Variants in BCAS3 observed in about 807,000 individuals in gnomAD.
The protein encoded by BCAS3 is BCAS4/BCAS3 fusion.
BCAS3 carries 53 observed loss-of-function variants against 116.1 expected under a neutral mutation model. The ratio of observed to expected loss-of-function variants is 0.46; its 90% CI spans 0.37 to 0.57. The LOEUF (loss-of-function observed/expected upper bound fraction) is 0.57. Ranked by LOEUF, BCAS3 falls within the 20% of genes least tolerant of loss-of-function variation. The probability of loss-of-function intolerance (pLI) is 0.00; values close to 1 mark genes in which losing one functional copy is unlikely to be tolerated. For missense variants in BCAS3, 917 were observed against 1,165.4 expected, an observed-to-expected ratio of 0.79 and a Z score of 3.10; for synonymous variants, 391 against 408.2, an observed-to-expected ratio of 0.96 and a Z score of 0.51.
At chr17:60,917,097 G>GA (rs201018701) in intron 12 of BCAS3, among the ~76,000 whole-genome samples, 2,006 of 152,026 alleles carry the variant, frequency 0.013, 45 homozygotes, top group African/African-American at 0.047. Context: ...CCAAAAAGTA[G>GA]AAAAAAATCT....
Position 60,872,211 on chromosome 17 carries a change from T to A in BCAS3, c.585-2451T>A, listed in dbSNP as rs1421127851. 2.6e-5 allele frequency among the ~76,000 whole-genome samples: 4 copies of A among 151,960 alleles called. No individual in the cohort carries two copies. In the South Asian group the frequency reaches 8.3e-4, roughly 31 times the overall value. On this transcript the variant is annotated intron_variant, in intron 8 of 23. Transcript: ENST00000407086. Reference sequence around the variant, plus strand: ...AGTTTCTAGTTTTAAATATTCTATGTTTATAAAATAAATTATGAGAAGGAA... The same window carrying A: ...AGTTTCTAGTTTTAAATATTCTATGATTATAAAATAAATTATGAGAAGGAA...
intron 6 of BCAS3, among the ~76,000 whole-genome samples, chr17:60,766,599 G>A (rs920930061): frequency 6.6e-6 from 1 of 152,182 alleles, no homozygotes; most frequent in Non-Finnish European, 1.5e-5. Flanking sequence ...GCTGTATGAG[G>A]TGTCATTCGG....
Position 61,388,776 on chromosome 17 carries a change from G to A in BCAS3, c.2594-3201G>A. 1.4e-6 allele frequency: 2 copies of A among 1,407,194 alleles called. No individual in the cohort carries two copies. The highest frequency in any genetic ancestry group is 1.9e-6 in the Non-Finnish European group (2 of 1,034,732). The allele number at this position is 1,407,194 out of a possible 1,614,324, so 87.2% of individuals were successfully genotyped here. ...GGCGGCCGGGATGACTTGGAGGGGG[G>A]AATCTGAGCAGCCCTCCTCCCCTCC... On this transcript the variant is annotated intron_variant, in intron 23 of 23. Coordinates refer to ENST00000407086, the MANE Select transcript of BCAS3 (RefSeq NM_017679.5). The surrounding 1 kb of genome is among the most constrained non-coding windows in gnomAD (Gnocchi z 6.5).
intron 12 of BCAS3, among the ~76,000 whole-genome samples, chr17:60,922,670 A>G (rs2059167317): frequency 6.6e-6 from 1 of 152,216 alleles, no homozygotes; most frequent in African/African-American, 2.4e-5. Flanking sequence ...AACATCTGAG[A>G]CATTCATTGT....
chr17:60,970,054 CATT>C (rs2061870259), intron 14 of BCAS3, among the ~76,000 whole-genome samples: 2 of 152,168 alleles, frequency 1.3e-5, no homozygotes, highest in African/African-American at 4.8e-5. Flanking sequence ...AGAATATGGT[CATT>C]TCTTGTTGAA....
chr17:60,890,557 T>A (rs1046121410), intron 10 of BCAS3, among the ~76,000 whole-genome samples: 2 of 152,220 alleles, frequency 1.3e-5, no homozygotes, highest in Non-Finnish European at 2.9e-5. Flanking sequence ...AAATCACACA[T>A]GTTCACATTT....
chr17:61,022,311 G>A (rs1283373639), intron 16 of BCAS3, among the ~76,000 whole-genome samples: 2 of 152,012 alleles, frequency 1.3e-5, no homozygotes, highest in Admixed American at 6.6e-5. Context: ...GAGCAGTGGC[G>A]TGATCTTGGC....
At position 61,380,668 on chromosome 17, in the gene BCAS3, C is replaced by A; in HGVS notation, c.2594-11309C>A. 8.6e-7 allele frequency: 1 copy of A among 1,156,646 alleles called. No homozygotes were observed. Among genetic ancestry groups the A allele is most frequent in the Non-Finnish European group, 1.3e-6 (1 of 796,300 alleles). 71.6% of individuals were successfully genotyped at this position (1,156,646 alleles called of 1,614,324 possible). A position where few individuals can be genotyped will look rare whatever the true frequency, so the allele number is the denominator to read the frequency against. The stretch of plus-strand genomic sequence containing the variant: ...CCCTCCTACCCCCTCGTGCCCAGGC[C>A]CAGGAGCACTCTAGGGAGGGCAGGG... On this transcript the variant is annotated intron_variant, in intron 23 of 23. Coordinates refer to ENST00000407086, the MANE Select transcript of BCAS3 (RefSeq NM_017679.5). This position sits in a 1 kb window ranked among gnomAD's most constrained non-coding sequence, Gnocchi z 4.2.
rs548740823 is a variant in BCAS3, at chr17:61,004,545, A to G, written c.1487-11206A>G. On this transcript the variant is annotated intron_variant, in intron 15 of 23. Transcript: ENST00000407086. This position sits in a 1 kb window ranked among gnomAD's most constrained non-coding sequence, Gnocchi z 4.8. ...AGGTTGAAATCTGAGCAGGAACTAG[A>G]AATCTGCTAGTTGATAGTTGTAAAC... is the stretch of plus-strand genomic sequence containing the variant. Among the ~76,000 whole-genome samples, 4 of 152,210 alleles carry G rather than the reference A, an allele frequency of 2.6e-5. No individual in the cohort carries two copies. In the South Asian group the frequency reaches 8.3e-4, roughly 32 times the overall value.
In BCAS3 at chr17:61,347,177, C is replaced by T. The variant is rs1225679367; in HGVS notation, c.2426-21150C>T. Among the ~76,000 whole-genome samples the T allele has an allele frequency of 1.3e-5, 2 of 152,172 alleles. No homozygotes were observed. The highest frequency in any genetic ancestry group is 4.8e-5 in the African/African-American group (2 of 41,446). On this transcript the variant is annotated intron_variant, in intron 22 of 23. Transcript: ENST00000407086. This position sits in a 1 kb window ranked among gnomAD's most constrained non-coding sequence, Gnocchi z 4.3. ...GCAACCTCCACCTCCAGGGTTCAAG[C>T]GATTCTCCTGCCTCCCGCCTCAGCC...
intron 22 of BCAS3, among the ~76,000 whole-genome samples, chr17:61,342,681 A>T (rs2057248269): frequency 6.6e-6 from 1 of 152,082 alleles, no homozygotes; most frequent in Non-Finnish European, 1.5e-5. Flanking sequence ...GATGTGCACC[A>T]CACTACAGAA....
chr17:60,827,848 A>G (rs987948498), intron 7 of BCAS3, among the ~76,000 whole-genome samples: 1 of 152,192 alleles, frequency 6.6e-6, no homozygotes. Flanking sequence ...TTGCTGTCAC[A>G]TAGTTCAAAG....
chr17:61,382,985 A>C (rs1309445403), intron 23 of BCAS3: 1 of 152,358 alleles, frequency 6.6e-6, no homozygotes, highest in Non-Finnish European at 1.5e-5. Context: ...AGCTGTCCAG[A>C]GCCCTTCCAG....
intron 4 of BCAS3, among the ~76,000 whole-genome samples, chr17:60,708,806 A>T (rs1210120562): frequency 6.6e-6 from 1 of 152,086 alleles, no homozygotes; most frequent in East Asian, 1.9e-4. Context: ...GGGATCACAG[A>T]TGTGAGCCAC....
At position 60,695,348 on chromosome 17, in the gene BCAS3, G is replaced by A. The variant is rs1033296597; in HGVS notation, c.214+5587G>A. ...TTGGCCAGGATGGTCTCTTGACCTC[G>A]TGATCTGCCCACCTCGGCCTCCCAA... On this transcript the variant is annotated intron_variant, in intron 4 of 23. Coordinates refer to ENST00000407086, the MANE Select transcript of BCAS3 (RefSeq NM_017679.5). 3.9e-5 allele frequency among the ~76,000 whole-genome samples: 6 copies of A among 152,100 alleles called. No individual in the cohort carries two copies. In the East Asian group the frequency reaches 5.8e-4, roughly 15 times the overall value.
At chr17:60,754,266 C>T (rs1039619115) in intron 6 of BCAS3, among the ~76,000 whole-genome samples, 3 of 152,062 alleles carry the variant, frequency 2.0e-5, no homozygotes, top group African/African-American at 4.8e-5. Flanking sequence ...AGAACAGTGA[C>T]GCAATCATGG....
intron 23 of BCAS3, chr17:61,382,879 A>G (rs887686140): frequency 2.6e-5 from 4 of 152,368 alleles, no homozygotes; most frequent in Non-Finnish European, 5.9e-5. Context: ...GATATGGGGA[A>G]GTCCTGGGCA....
At chr17:61,116,046 T>A (rs971233792) in intron 22 of BCAS3, among the ~76,000 whole-genome samples, 1 of 132,090 alleles carries the variant, frequency 7.6e-6, no homozygotes, top group Non-Finnish European at 1.5e-5. Flanking sequence ...AACAATGAGA[T>A]CACATGGACA....
intron 14 of BCAS3, among the ~76,000 whole-genome samples, chr17:60,969,316 G>A (rs1282735482): frequency 2.0e-5 from 3 of 152,088 alleles, no homozygotes; most frequent in African/African-American, 7.2e-5. Flanking sequence ...TGATATGAAG[G>A]AAAATATGCT....
Sources: allele counts gnomAD v4.1 joint callset (sites outside exome capture counted in the v4.1 genomes callset), GRCh38; gene constraint gnomAD v4.1.1; non-coding constraint Gnocchi (gnomAD v3.1); transcripts MANE v1.5; gene names NCBI Gene and HGNC (gene_info 2026-07-23, HGNC 2026-07-21).